MID1: variants seen among roughly 807,000 people sequenced by gnomAD.
MID1 encodes E3 ubiquitin-protein ligase Midline-1.
MID1 carries 7 observed loss-of-function variants against 40.4 expected under a neutral mutation model. The ratio of observed to expected loss-of-function variants is 0.17; its 90% confidence interval spans 0.10 to 0.33. MID1 has a LOEUF of 0.33. Among genes scored for constraint, MID1 ranks in the 10% least tolerant of loss-of-function variants. The probability of loss-of-function intolerance (pLI) is 1.00; values close to 1 mark genes in which losing one functional copy is unlikely to be tolerated. For missense variants in MID1, 367 were observed against 558.5 expected (o/e 0.66, Z 3.46); for synonymous variants, 229 against 221.2 (o/e 1.04, Z -0.31).
At chrX:10,638,280 A>C (rs182593531) in intron 1 of MID1, among the ~76,000 whole-genome samples, 180 of 111,908 alleles carry the variant, frequency 1.6e-3, no homozygotes, top group Non-Finnish European at 2.8e-3. Flanking sequence ...GACAGACAGC[A>C]ACTGGAAAAT....
At position 10,567,321 on chromosome X, in the gene MID1, T is replaced by C; in HGVS notation, c.227A>G (p.Asn76Ser). Reference sequence around the variant, plus strand: ...GTCGATGATGTTCTGTAGGGTGACGTTGCGCTTGAGCCCGTCTAGACCTCG... The same window carrying C: ...GTCGATGATGTTCTGTAGGGTGACGCTGCGCTTGAGCCCGTCTAGACCTCG... ...SQRGLDGLKRNVTLQNIIDRF... is the reference protein window; with the variant it reads ...SQRGLDGLKRSVTLQNIIDRF... The change falls in exon 2 of 10, where the codon AAC becomes AGC. Residue 76 changes from asparagine (N) to serine (S), a missense_variant. This residue lies in a region of MID1 where 78 missense variants were observed against 112.6 expected (regional missense o/e 0.69). Transcript: ENST00000317552. 1 of 1,193,806 alleles carries C rather than the reference T, an allele frequency of 8.4e-7. No individual in the cohort carries two copies. The highest frequency in any genetic ancestry group is 1.1e-6 in the Non-Finnish European group (1 of 884,979).
intron 7 of MID1, among the ~76,000 whole-genome samples, chrX:10,465,838 C>G (rs1398674007): frequency 8.9e-6 from 1 of 111,982 alleles, no homozygotes; most frequent in Non-Finnish European, 1.9e-5. Flanking sequence ...CCCAGCTCAA[C>G]TATGCCAGAA....
chrX:10,566,497 T>TTCTCTC (rs1281393445), intron 2 of MID1, among the ~76,000 whole-genome samples: 3 of 72,084 alleles, frequency 4.2e-5, no homozygotes, highest in African/African-American at 1.9e-4. Context: ...TTATCTGTCA[T>TTCTCTC]TCTCTCTCTC....
intron 1 of MID1, among the ~76,000 whole-genome samples, chrX:10,751,029 C>T (rs1424975326): frequency 9.0e-6 from 1 of 110,993 alleles, no homozygotes; most frequent in Non-Finnish European, 1.9e-5. Context: ...CTTTGGGAGG[C>T]TGAGACAGGC....
intron 1 of MID1, among the ~76,000 whole-genome samples, chrX:10,820,915 AT>A (rs1365998764): frequency 8.9e-6 from 1 of 112,654 alleles, no homozygotes; most frequent in South Asian, 3.6e-4. Flanking sequence ...AAAATTTGTC[AT>A]AAAAACAATT....
intron 1 of MID1, among the ~76,000 whole-genome samples, chrX:10,605,806 G>A (rs1469801115): frequency 9.0e-6 from 1 of 111,607 alleles, no homozygotes; most frequent in African/African-American, 3.3e-5. Context: ...CTGTATTGAA[G>A]TGTTGCTTGA....
Position 10,609,771 on chromosome X carries a change from G to GC in MID1, c.-57+10518dup, listed in dbSNP as rs773037675. Among the ~76,000 whole-genome samples the GC allele has an allele frequency of 3.1e-5, 3 of 98,213 alleles. No individual in the cohort carries two copies. In the East Asian group the frequency reaches 9.3e-4, roughly 31 times the overall value. 85.3% of individuals were successfully genotyped at this position (98,213 alleles called of 115,157 possible). A position where few individuals can be genotyped will look rare whatever the true frequency, so the allele number is the denominator to read the frequency against. Reference sequence around the variant, plus strand: ...CTCGCACTTTGGCCCAGGCTGGAGTGCAGTGGCGCGATCTCGGCTCACTGC... The same window carrying GC: ...CTCGCACTTTGGCCCAGGCTGGAGTGCCAGTGGCGCGATCTCGGCTCACTGC... On this transcript the variant is annotated intron_variant, in intron 1 of 9. Transcript: ENST00000317552.
At chrX:10,453,389 A>G (rs1417733992) in intron 9 of MID1, among the ~76,000 whole-genome samples, 2 of 112,287 alleles carry the variant, frequency 1.8e-5, no homozygotes, top group Non-Finnish European at 3.8e-5. Flanking sequence ...AAACACTGTT[A>G]TACTCACCAT....
intron 1 of MID1, among the ~76,000 whole-genome samples, chrX:10,738,827 CTAAGT>C (rs1225016499): frequency 9.1e-6 from 1 of 109,633 alleles, no homozygotes; most frequent in Non-Finnish European, 1.9e-5. Context: ...GTTTTTCCCC[CTAAGT>C]TATTTTTCTA....
intron 1 of MID1, among the ~76,000 whole-genome samples, chrX:10,721,385 G>C (rs1290057959): frequency 9.1e-6 from 1 of 109,499 alleles, no homozygotes; most frequent in Non-Finnish European, 1.9e-5. Context: ...TGTATCCTTT[G>C]GGTCCTTTGG....
At chrX:10,532,177 G>A (rs1159831066) in intron 2 of MID1, among the ~76,000 whole-genome samples, 1 of 111,309 alleles carries the variant, frequency 9.0e-6, no homozygotes, top group African/African-American at 3.3e-5. Flanking sequence ...ACAGTACTCT[G>A]GGCTGCCATA....
intron 1 of MID1, among the ~76,000 whole-genome samples, chrX:10,776,813 C>T (rs2043805699): frequency 8.9e-6 from 1 of 112,066 alleles, no homozygotes; most frequent in African/African-American, 3.2e-5. Flanking sequence ...AAAAAGAAAA[C>T]AGGAAAATAA....
At chrX:10,710,421 T>C (rs1569152159) in intron 1 of MID1, among the ~76,000 whole-genome samples, 1 of 111,571 alleles carries the variant, frequency 9.0e-6, no homozygotes, top group Non-Finnish European at 1.9e-5. Flanking sequence ...TACTGGGTTA[T>C]AGTAATTAAT....
intron 1 of MID1, among the ~76,000 whole-genome samples, chrX:10,752,384 C>G (rs1021424473): frequency 8.9e-6 from 1 of 112,089 alleles, no homozygotes; most frequent in Non-Finnish European, 1.9e-5. Flanking sequence ...GAATCCTACT[C>G]AATTCTTAAA....
chrX:10,454,688 T>G (rs182928867), intron 9 of MID1, among the ~76,000 whole-genome samples, 182 bp downstream of exon 9: 4 of 111,973 alleles, frequency 3.6e-5, no homozygotes, highest in Admixed American at 1.9e-4. Flanking sequence ...AATATATGGT[T>G]GTTGTTTGAA....
chrX:10,635,290 C>T (rs1411592518), intron 1 of MID1, among the ~76,000 whole-genome samples: 1 of 111,765 alleles, frequency 8.9e-6, no homozygotes, highest in Admixed American at 9.5e-5. Context: ...CTTTAGTCAC[C>T]AATATTAAGA....
intron 1 of MID1, among the ~76,000 whole-genome samples, chrX:10,732,845 T>TTTC (rs1195297846): frequency 1.0e-5 from 1 of 99,556 alleles, no homozygotes; most frequent in South Asian, 4.8e-4. Context: ...GTAAGTTGAT[T>TTTC]TTCTTCTTCT....
intron 1 of MID1, among the ~76,000 whole-genome samples, chrX:10,762,484 T>G (rs1185071921): frequency 9.3e-6 from 1 of 107,835 alleles, no homozygotes; most frequent in Admixed American, 9.9e-5. Flanking sequence ...TGTTGTGTGT[T>G]TTTTTTTTTT....
chrX:10,594,007 T>C (rs188305388), intron 1 of MID1, among the ~76,000 whole-genome samples: 4 of 111,681 alleles, frequency 3.6e-5, no homozygotes, highest in African/African-American at 1.3e-4. Context: ...CTACAAAAGA[T>C]ATTCTTAGAG....
Sources: gnomAD v4.1 joint callset for allele counts (sites outside exome capture counted in the v4.1 genomes callset) on GRCh38, gnomAD v4.1.1 for gene constraint, gnomAD v4.1.1 regional missense constraint, MANE v1.5 for transcripts, NCBI Gene and HGNC (gene_info 2026-07-23, HGNC 2026-07-21) for gene names.